CIBAR1: variants seen among roughly 807,000 people sequenced by gnomAD.
CIBAR1 encodes the protein CBY1 interacting BAR domain containing 1, also known as CBY1-interacting BAR domain-containing protein 1.
Under a neutral mutation model 44.0 loss-of-function variants are expected in CIBAR1, and 25 were observed. The observed-to-expected ratio is 0.57, with a 90% CI of 0.41 to 0.79. The LOEUF (loss-of-function observed/expected upper bound fraction) is 0.79. Among genes scored for constraint, CIBAR1 ranks in the 30% least tolerant of loss-of-function variants. The probability of loss-of-function intolerance (pLI) is 0.00; values close to 1 mark genes in which losing one functional copy is unlikely to be tolerated. For synonymous variants in CIBAR1, 115 were observed against 119.0 expected (o/e 0.97, Z 0.22); for missense variants, 278 against 344.8 (o/e 0.81, Z 1.53).
chr8:93,719,484 A>G (rs1362268124), intron 7 of CIBAR1: 2 of 152,194 alleles, frequency 1.3e-5, no homozygotes, highest in Admixed American at 6.5e-5. Flanking sequence ...TCAAACCTCA[A>G]AATCTTAGGT....
chr8:93,703,337 T>TA (rs1266963940), intron 2 of CIBAR1, among the ~76,000 whole-genome samples: 4 of 152,244 alleles, frequency 2.6e-5, no homozygotes, highest in Admixed American at 6.5e-5. Flanking sequence ...TTAGCTGTAT[T>TA]AAAATTTGAA....
At chr8:93,718,849 C>A in intron 7 of CIBAR1, 61 bp downstream of exon 7, 9 of 994,498 alleles carry the variant, frequency 9.0e-6, no homozygotes, top group South Asian at 1.8e-5. Context: ...TAAAAGAGAA[C>A]ATTAGTATGT....
chr8:93,706,714 A>G (rs1029972244), intron 4 of CIBAR1, among the ~76,000 whole-genome samples: 4 of 152,252 alleles, frequency 2.6e-5, no homozygotes, highest in African/African-American at 9.6e-5. Flanking sequence ...GAGGAAATAA[A>G]TATAACCTAA....
intron 7 of CIBAR1, chr8:93,725,934 GC>G (rs1398643565): frequency 1.9e-5 from 3 of 156,162 alleles, no homozygotes; most frequent in African/African-American, 7.2e-5. Flanking sequence ...ACAAGTCATG[GC>G]ATTCCAGATC....
intron 2 of CIBAR1, among the ~76,000 whole-genome samples, chr8:93,702,847 T>C (rs1470943021): frequency 1.3e-5 from 2 of 152,126 alleles, no homozygotes; most frequent in East Asian, 3.8e-4. Flanking sequence ...AAATGTTCAT[T>C]TTAAGCAATT....
chr8:93,707,501 G>GT (rs2130302186), intron 4 of CIBAR1, among the ~76,000 whole-genome samples: 1 of 152,286 alleles, frequency 6.6e-6, no homozygotes, highest in South Asian at 2.1e-4. Context: ...GTAGTCACAA[G>GT]TAAAAAGCTG....
intron 8 of CIBAR1, chr8:93,727,294 T>C: frequency 2.2e-6 from 2 of 897,474 alleles, no homozygotes; most frequent in Non-Finnish European, 3.0e-6. Context: ...CCTGTAAGCA[T>C]TTATTTTGTT....
rs533314764 is a variant in CIBAR1, at chr8:93,704,344, T to A, written c.331-565T>A. Among the ~76,000 whole-genome samples, 3 of 152,306 alleles carry A rather than the reference T, an allele frequency of 2.0e-5. No homozygotes were observed. The South Asian group carries it at 6.2e-4, about 32-fold the overall frequency. On this transcript the variant is annotated intron_variant, in intron 3 of 8. Coordinates refer to ENST00000518322, the MANE Select transcript of CIBAR1 (RefSeq NM_145269.5). ...TTTTAAAAGTTACTTTATTGATAAT[T>A]TACATCAGCAGTCCCCAACCATTTT... is the stretch of plus-strand genomic sequence containing the variant.
At chr8:93,715,034 CTG>C (rs1387494119) in intron 6 of CIBAR1, among the ~76,000 whole-genome samples, 4 of 152,318 alleles carry the variant, frequency 2.6e-5, no homozygotes, top group Middle Eastern at 3.4e-3. Context: ...CTGCTCATAA[CTG>C]TGAGTGCATT....
At chr8:93,704,503 A>G (rs549660845) in intron 3 of CIBAR1, among the ~76,000 whole-genome samples, 125 of 151,962 alleles carry the variant, frequency 8.2e-4, no homozygotes, top group African/African-American at 2.9e-3. Context: ...CTCGCCCACC[A>G]CTCACCTGCT....
intron 6 of CIBAR1, among the ~76,000 whole-genome samples, chr8:93,713,268 G>C (rs1440051814): frequency 6.6e-6 from 1 of 151,910 alleles, no homozygotes; most frequent in African/African-American, 2.4e-5. Flanking sequence ...CCTGACCTCA[G>C]GTGATCTGCC....
chr8:93,723,145 C>T (rs1162685842), intron 7 of CIBAR1, among the ~76,000 whole-genome samples: 1 of 152,140 alleles, frequency 6.6e-6, no homozygotes, highest in Non-Finnish European at 1.5e-5. Flanking sequence ...TACAGGCACC[C>T]GCCACCTCGC....
intron 8 of CIBAR1, among the ~76,000 whole-genome samples, chr8:93,727,468 A>G (rs900475334): frequency 3.3e-5 from 5 of 152,214 alleles, no homozygotes; most frequent in Admixed American, 6.5e-5. Flanking sequence ...TTCAGAATGC[A>G]TTATCCCAGG....
rs1401955018 is a variant in CIBAR1 at position 93,730,983 on chromosome 8, A to G, written c.*2686A>G. The G allele has an allele frequency of 6.6e-6, 1 of 152,212 alleles. No individual in the cohort carries two copies. Among genetic ancestry groups the G allele is most frequent in the Non-Finnish European group, 1.5e-5 (1 of 68,070 alleles). 9.4% of individuals were successfully genotyped at this position (152,212 alleles called of 1,614,324 possible). A position where few individuals can be genotyped will look rare whatever the true frequency, so the allele number is the denominator to read the frequency against. On this transcript the variant is annotated 3_prime_UTR_variant, in exon 9 of 9. Transcript: ENST00000518322. ...TGAGAACAGCCTGGGCAACACAGTG[A>G]GACTCTGTCTCTACAAATAATAAAA... is the stretch of plus-strand genomic sequence containing the variant.
intron 7 of CIBAR1, among the ~76,000 whole-genome samples, chr8:93,723,453 G>A (rs779493222): frequency 5.9e-5 from 9 of 151,958 alleles, no homozygotes; most frequent in African/African-American, 1.7e-4. Context: ...GACTCCTTCC[G>A]TGTCCTGAAG....
At position 93,728,461 on chromosome 8, in the gene CIBAR1, A is replaced by C. The variant is rs1320016330; in HGVS notation, c.*164A>C. On this transcript the variant is annotated 3_prime_UTR_variant, in exon 9 of 9. Transcript: ENST00000518322. The stretch of plus-strand genomic sequence containing the variant: ...CTGACCAAAAATGAAGGCTTTAAAA[A>C]ATATTGCATACCAGTCATTTCAACA... The C allele has an allele frequency of 4.0e-6, 2 of 498,782 alleles. No homozygotes were observed. Among genetic ancestry groups the C allele is most frequent in the Non-Finnish European group, 7.1e-6 (2 of 281,616 alleles). 30.9% of individuals were successfully genotyped at this position (498,782 alleles called of 1,614,324 possible).
chr8:93,712,220 C>G (rs1378498107), intron 6 of CIBAR1, among the ~76,000 whole-genome samples: 3 of 152,158 alleles, frequency 2.0e-5, no homozygotes, highest in Non-Finnish European at 2.9e-5. Context: ...GCTTTTGCCC[C>G]CCTGCCTGCC....
At position 93,723,722 on chromosome 8, in the gene CIBAR1, C is replaced by T. The variant is rs182986926; in HGVS notation, c.658-2672C>T. Among the ~76,000 whole-genome samples, 228 of 152,192 alleles carry T rather than the reference C, an allele frequency of 1.5e-3. 1 individual carries two copies. The highest frequency in any genetic ancestry group is 5.2e-3 in the African/African-American group (218 of 41,536). On this transcript the variant is annotated intron_variant, in intron 7 of 8. Transcript: ENST00000518322. ...GACAGATATGTAATCAATTACAAAA[C>T]ACTGAGTTAAAAAGCAGTACTTGAG...
At chr8:93,723,843 A>G (rs1253286841) in intron 7 of CIBAR1, among the ~76,000 whole-genome samples, 1 of 152,200 alleles carries the variant, frequency 6.6e-6, no homozygotes, top group African/African-American at 2.4e-5. Flanking sequence ...CTTGAAGGAC[A>G]GTTTGTTGTA....
Sources: gnomAD v4.1 joint callset for allele counts (sites outside exome capture counted in the v4.1 genomes callset) on GRCh38, gnomAD v4.1.1 for gene constraint, MANE v1.5 for transcripts, NCBI Gene and HGNC (gene_info 2026-07-23, HGNC 2026-07-21) for gene names.